The following PDS5B variants were observed in gnomAD, a reference collection of about 807,000 sequenced individuals.
PDS5B encodes the protein sister chromatid cohesion protein PDS5 homolog B.
In PDS5B, 51 loss-of-function variants were observed where a neutral mutation model predicts 184.1. The observed-to-expected ratio is 0.28, with a 90% confidence interval of 0.22 to 0.35. The LOEUF (loss-of-function observed/expected upper bound fraction) is 0.35. Ranked by LOEUF, PDS5B falls within the 10% of genes least tolerant of loss-of-function variation. The pLI is 1.00. For synonymous variants in PDS5B, 566 were observed against 569.2 expected (o/e 0.99, Z 0.08); for missense variants, 1,180 against 1,723.3 (o/e 0.68, Z 5.58).
rs1163499157 is a variant in PDS5B at position 32,753,482 on chromosome 13, G to C, written c.2887G>C (p.Val963Leu). The C allele has an allele frequency of 1.9e-6, 3 of 1,613,700 alleles. No individual in the cohort carries two copies. The African/African-American group carries it at 4.0e-5, about 22-fold the overall frequency. ...AAGAGCTCATGCTAGGCAATGTTTG[G>C]TGAAAAATATAAATGTAAGGCGGGA... ...ERRAHARQCL[V>L]KNINVRREYL... Residue 963 changes from valine (V) to leucine (L), a missense_variant, in exon 25 of 35, where the codon GTG becomes CTG. Val to Leu is a conservative substitution (Grantham distance 32, BLOSUM62 1). This residue lies in a region of PDS5B where 40 missense variants were observed against 107.2 expected (regional missense o/e 0.37). Coordinates refer to ENST00000315596, the MANE Select transcript of PDS5B (RefSeq NM_015032.4).
chr13:32,727,858 C>CTT (rs35150656), intron 19 of PDS5B, among the ~76,000 whole-genome samples: 1 of 149,854 alleles, frequency 6.7e-6, no homozygotes. Context: ...ATTTTGAATA[C>CTT]TTTTTTTTTT....
Position 32,610,973 on chromosome 13 carries a change from A to T in PDS5B, c.-20+24380A>T, listed in dbSNP as rs533490420. On this transcript the variant is annotated intron_variant, in intron 1 of 34. Transcript: ENST00000315596. The stretch of plus-strand genomic sequence containing the variant: ...AAGTTTAAGTGAGGCTGAAATTATC[A>T]CTTTCCTTTTTAGAGCCATCTTTTT... Among the ~76,000 whole-genome samples the T allele has an allele frequency of 4.0e-5, 6 of 149,578 alleles. No individual in the cohort carries two copies. The South Asian group carries it at 1.1e-3, about 26-fold the overall frequency.
intron 11 of PDS5B, among the ~76,000 whole-genome samples, chr13:32,686,895 T>G (rs1417377496): frequency 6.6e-6 from 1 of 152,226 alleles, no homozygotes; most frequent in African/African-American, 2.4e-5. Flanking sequence ...TTTAAGACAT[T>G]AAAGCATTAA....
At position 32,770,300 on chromosome 13, in the gene PDS5B, G is replaced by C. The variant is rs1257038994; in HGVS notation, c.3804G>C (p.Lys1268Asn). ...ESDEQQWPEE[K>N]RLKEDILENE... The stretch of plus-strand genomic sequence containing the variant: ...ATGAACAGCAGTGGCCTGAGGAAAA[G>C]AGGCTCAAAGAAGATATATTAGAAA... Residue 1268 changes from lysine to asparagine, a missense_variant, in exon 32 of 35, where the codon AAG (lysine) becomes AAC (asparagine). Around this residue, in one of 11 missense-constraint regions of PDS5B, gnomAD observed 465 missense variants for 497.8 expected, o/e 0.93. Coordinates refer to ENST00000315596, the MANE Select transcript of PDS5B (RefSeq NM_015032.4). The C allele has an allele frequency of 6.2e-7, 1 of 1,613,968 alleles. No individual in the cohort carries two copies. Among genetic ancestry groups the C allele is most frequent in the South Asian group, 1.1e-5 (1 of 91,056 alleles).
At chr13:32,711,419 G>A (rs758585128) in intron 19 of PDS5B, among the ~76,000 whole-genome samples, 11 of 151,906 alleles carry the variant, frequency 7.2e-5, no homozygotes, top group Non-Finnish European at 1.0e-4. Context: ...GTGCTGTGGC[G>A]CAATCTTGGC....
intron 11 of PDS5B, among the ~76,000 whole-genome samples, chr13:32,686,790 A>G (rs1010817670): frequency 4.7e-5 from 5 of 106,626 alleles, no homozygotes; most frequent in East Asian, 2.8e-4. Flanking sequence ...CTAAAAATGC[A>G]TGAACAAAAA....
At chr13:32,631,905 C>T (rs559489394) in intron 1 of PDS5B, among the ~76,000 whole-genome samples, 1 of 152,352 alleles carries the variant, frequency 6.6e-6, no homozygotes, top group African/African-American at 2.4e-5. Context: ...CTTCTCCCCA[C>T]ACCTCCTGAA....
rs1484041132 is a variant in PDS5B at position 32,655,372 on chromosome 13, ATATTTT to A, written c.313-2865_313-2860del. Among the ~76,000 whole-genome samples the A allele has an allele frequency of 5.7e-4, 30 of 52,282 alleles. 2 individuals carry two copies. The South Asian group carries it at 0.029, about 50-fold the overall frequency. 34.3% of individuals were successfully genotyped at this position (52,282 alleles called of 152,430 possible). A position where few individuals can be genotyped will look rare whatever the true frequency, so the allele number is the denominator to read the frequency against. On this transcript the variant is annotated intron_variant, in intron 3 of 34. Transcript: ENST00000315596. The stretch of plus-strand genomic sequence containing the variant: ...CATGTTCTTTGCCATATATATATAT[ATATTTT>A]TTTTTTTTTTTTTTTTTTTAGATGG...
intron 6 of PDS5B, among the ~76,000 whole-genome samples, chr13:32,664,410 A>G (rs1028980096): frequency 5.9e-5 from 9 of 152,234 alleles, no homozygotes; most frequent in African/African-American, 1.7e-4. Context: ...TTAGAAATTT[A>G]ACCGTAATGT....
At chr13:32,655,374 A>ATATATATATATATTTTTTTTTTT in intron 3 of PDS5B, among the ~76,000 whole-genome samples, 1 of 72,466 alleles carries the variant, frequency 1.4e-5, no homozygotes, top group African/African-American at 8.3e-5. Context: ...ATATATATAT[A>ATATATATATATATTTTTTTTTTT]TTTTTTTTTT....
chr13:32,657,469 C>T (rs772497109), intron 3 of PDS5B, among the ~76,000 whole-genome samples: 18 of 152,098 alleles, frequency 1.2e-4, no homozygotes, highest in African/African-American at 1.7e-4. Flanking sequence ...GCATATGAAA[C>T]GAGTCTCTTG....
chr13:32,753,186 A>T (rs1333552095), intron 24 of PDS5B, 146 bp from the exon 25 acceptor site: 1 of 597,382 alleles, frequency 1.7e-6, no homozygotes, highest in East Asian at 2.8e-5. Flanking sequence ...TTTAGTCACA[A>T]CATCTCACTC....
chr13:32,745,527 C>T (rs950260267), intron 23 of PDS5B, among the ~76,000 whole-genome samples: 8 of 152,172 alleles, frequency 5.3e-5, no homozygotes, highest in Admixed American at 5.2e-4. Flanking sequence ...TATTAGCCTG[C>T]TCAGACTGCT....
At chr13:32,711,873 T>C (rs1337389522) in intron 19 of PDS5B, among the ~76,000 whole-genome samples, 1 of 152,236 alleles carries the variant, frequency 6.6e-6, no homozygotes, top group Non-Finnish European at 1.5e-5. Flanking sequence ...CCACTTACTA[T>C]ACTGTCTCAT....
At chr13:32,717,203 A>G (rs1952482566) in intron 19 of PDS5B, among the ~76,000 whole-genome samples, 1 of 152,194 alleles carries the variant, frequency 6.6e-6, no homozygotes, top group Non-Finnish European at 1.5e-5. Flanking sequence ...CCAACAGCTC[A>G]TTGAGAACGG....
At chr13:32,757,335 A>G (rs1187751732) in intron 26 of PDS5B, among the ~76,000 whole-genome samples, 2 of 152,168 alleles carry the variant, frequency 1.3e-5, no homozygotes, top group Non-Finnish European at 2.9e-5. Context: ...TCAGGGAGCC[A>G]CTTCAGAAGA....
At chr13:32,712,071 T>G (rs759491503) in intron 19 of PDS5B, among the ~76,000 whole-genome samples, 3 of 152,198 alleles carry the variant, frequency 2.0e-5, no homozygotes, top group Non-Finnish European at 2.9e-5. Flanking sequence ...TCTTTTCTAA[T>G]TAGAGCATTG....
intron 19 of PDS5B, among the ~76,000 whole-genome samples, chr13:32,727,922 T>G (rs1952967009): frequency 6.6e-6 from 1 of 151,978 alleles, no homozygotes; most frequent in South Asian, 2.1e-4. Flanking sequence ...TTACAAGTAT[T>G]TTTGACTACT....
intron 25 of PDS5B, among the ~76,000 whole-genome samples, chr13:32,753,911 A>G (rs895527236): frequency 6.6e-6 from 1 of 152,146 alleles, no homozygotes; most frequent in African/African-American, 2.4e-5. Flanking sequence ...CATTAATATC[A>G]GGTGTTTGCG....
Sources: allele counts gnomAD v4.1 joint callset (sites outside exome capture counted in the v4.1 genomes callset), GRCh38; gene constraint gnomAD v4.1.1; regional missense constraint gnomAD v4.1.1; transcripts MANE v1.5; gene names NCBI Gene and HGNC (gene_info 2026-07-23, HGNC 2026-07-21).